RAB30: variants seen among roughly 807,000 people sequenced by gnomAD.
RAB30 encodes the protein ras-related protein Rab-30.
In RAB30, 9 loss-of-function variants were observed where a neutral mutation model predicts 25.1. The ratio of observed to expected loss-of-function variants is 0.36; its 90% CI spans 0.22 to 0.63. RAB30 has a LOEUF of 0.63. RAB30 is among the 20% of genes least tolerant of loss of function. The probability of loss-of-function intolerance (pLI) is 0.69; values close to 1 mark genes in which losing one functional copy is unlikely to be tolerated. For synonymous variants in RAB30, 77 were observed against 86.4 expected (o/e 0.89, Z 0.60); for missense variants, 140 against 243.5 (o/e 0.58, Z 2.83).
intron 1 of RAB30, among the ~76,000 whole-genome samples, chr11:83,067,143 T>G (rs759877527): frequency 6.6e-6 from 1 of 152,180 alleles, no homozygotes; most frequent in African/African-American, 2.4e-5. Flanking sequence ...ATTGCCAAAG[T>G]ACCTCTTTGT....
chr11:82,988,691 T>C (rs1329276194), intron 3 of RAB30, among the ~76,000 whole-genome samples: 1 of 152,232 alleles, frequency 6.6e-6, no homozygotes, highest in African/African-American at 2.4e-5. Context: ...AGACAACTAC[T>C]GAAAACGAAT....
chr11:83,045,037 G>T (rs1372676820), intron 1 of RAB30, among the ~76,000 whole-genome samples: 1 of 152,012 alleles, frequency 6.6e-6, no homozygotes, highest in East Asian at 1.9e-4. Context: ...ACAACTGCAG[G>T]GCAATAGGCT....
intron 1 of RAB30, among the ~76,000 whole-genome samples, chr11:83,047,420 G>A (rs936681522): frequency 6.6e-6 from 1 of 152,192 alleles, no homozygotes. Context: ...ATGGACCCAA[G>A]AGAATAAATT....
chr11:83,008,104 C>A (rs1196445505), intron 1 of RAB30, among the ~76,000 whole-genome samples: 7 of 152,200 alleles, frequency 4.6e-5, no homozygotes, highest in African/African-American at 1.7e-4. Context: ...ACCGGAAGAA[C>A]CTTCTTATCA....
chr11:83,043,783 G>GA (rs1193420401), intron 1 of RAB30, among the ~76,000 whole-genome samples: 1 of 151,692 alleles, frequency 6.6e-6, no homozygotes, highest in Non-Finnish European at 1.5e-5. Context: ...AAATTAGATA[G>GA]AAAAAAAACC....
chr11:83,028,835 G>T (rs1215176177), intron 1 of RAB30, among the ~76,000 whole-genome samples: 1 of 152,186 alleles, frequency 6.6e-6, no homozygotes, highest in Non-Finnish European at 1.5e-5. Flanking sequence ...GCAGCAGTTT[G>T]GGAGCAGCCT....
intron 1 of RAB30, among the ~76,000 whole-genome samples, chr11:83,050,286 T>C (rs1858327845): frequency 6.6e-6 from 1 of 151,574 alleles, no homozygotes; most frequent in African/African-American, 2.4e-5. Flanking sequence ...TAATAGGACC[T>C]GAATCCCTTT....
At chr11:83,020,467 T>C (rs1167073554) in intron 1 of RAB30, among the ~76,000 whole-genome samples, 1 of 152,240 alleles carries the variant, frequency 6.6e-6, no homozygotes, top group Non-Finnish European at 1.5e-5. Context: ...GGCTCTGCGC[T>C]GGCCTGCACT....
chr11:83,061,545 A>G (rs967704386), intron 1 of RAB30, among the ~76,000 whole-genome samples: 9 of 152,122 alleles, frequency 5.9e-5, no homozygotes, highest in African/African-American at 2.2e-4. Context: ...AAGCATGGCG[A>G]TATCTGCAAC....
At chr11:83,060,508 G>T (rs557487854) in intron 1 of RAB30, among the ~76,000 whole-genome samples, 1 of 152,262 alleles carries the variant, frequency 6.6e-6, no homozygotes, top group African/African-American at 2.4e-5. Context: ...CATGTCACCA[G>T]TGATGTTACA....
chr11:83,015,162 T>A (rs535518624), intron 1 of RAB30, among the ~76,000 whole-genome samples: 1 of 152,302 alleles, frequency 6.6e-6, no homozygotes, highest in Non-Finnish European at 1.5e-5. Flanking sequence ...ATTTTTAAAA[T>A]TTTTTTCTAG....
Position 82,982,102 on chromosome 11 carries a change from C to A in RAB30, c.*63G>T. The A allele has an allele frequency of 3.7e-6, 6 of 1,601,194 alleles. No homozygotes were observed. The highest frequency in any genetic ancestry group is 3.4e-6 in the Non-Finnish European group (4 of 1,171,362). On this transcript the variant is annotated 3_prime_UTR_variant, in exon 5 of 5. Transcript: ENST00000527633. ...GGGAGCCACAGTCATCGCCAGATCT[C>A]CCCAGCATCTCATGGCCCATCAGGG...
chr11:82,984,713 C>T (rs1487585894), intron 4 of RAB30, among the ~76,000 whole-genome samples: 1 of 152,344 alleles, frequency 6.6e-6, no homozygotes, highest in East Asian at 1.9e-4. Context: ...GGGCTCCTAA[C>T]ACCTCGGTTG....
At chr11:83,035,873 TCA>T (rs367872646) in intron 1 of RAB30, among the ~76,000 whole-genome samples, 1 of 151,976 alleles carries the variant, frequency 6.6e-6, no homozygotes, top group Admixed American at 6.6e-5. Flanking sequence ...ATCTTATGGA[TCA>T]CACACACACA....
chr11:83,023,525 G>A (rs1344225), intron 1 of RAB30, among the ~76,000 whole-genome samples: 44,807 of 151,966 alleles, frequency 0.29, 7,497 homozygotes, highest in Non-Finnish European at 0.37. Flanking sequence ...TGCTACTGCC[G>A]TGGGTCAGAC....
intron 1 of RAB30, among the ~76,000 whole-genome samples, chr11:82,998,697 A>G (rs1857012304): frequency 6.6e-6 from 1 of 151,030 alleles, no homozygotes; most frequent in Non-Finnish European, 1.5e-5. Context: ...CCAACATGAG[A>G]AAAGTTAAAT....
At chr11:83,006,198 C>T (rs1231004956) in intron 1 of RAB30, among the ~76,000 whole-genome samples, 2 of 152,142 alleles carry the variant, frequency 1.3e-5, no homozygotes, top group African/African-American at 4.8e-5. Flanking sequence ...ATTACAAACC[C>T]TCTGACCCAG....
At chr11:83,068,345 C>A (rs1439127406) in intron 1 of RAB30, among the ~76,000 whole-genome samples, 1 of 151,844 alleles carries the variant, frequency 6.6e-6, no homozygotes, top group East Asian at 1.9e-4. Flanking sequence ...CCCTCTGTCA[C>A]CACCCTAGAT....
intron 4 of RAB30, among the ~76,000 whole-genome samples, chr11:82,983,099 G>A (rs78432634): frequency 0.14 from 20,668 of 151,382 alleles, 1,890 homozygotes; most frequent in African/African-American, 0.26. Context: ...TATACAATAC[G>A]CAACTGTCTA....
Sources: allele counts gnomAD v4.1 joint callset (sites outside exome capture counted in the v4.1 genomes callset), GRCh38; gene constraint gnomAD v4.1.1; transcripts MANE v1.5; gene names NCBI Gene and HGNC (gene_info 2026-07-23, HGNC 2026-07-21).